Variants in ADCY5 observed in about 807,000 individuals in gnomAD.
ADCY5 encodes adenylate cyclase type 5.
A neutral mutation model predicts 119.7 loss-of-function variants in ADCY5; 30 were observed. The ratio of observed to expected loss-of-function variants is 0.25; its 90% CI spans 0.19 to 0.34. ADCY5 has a LOEUF of 0.34. Among genes scored for constraint, ADCY5 ranks in the 10% least tolerant of loss-of-function variants. The pLI is 1.00. For synonymous variants in ADCY5, 753 were observed against 762.2 expected, an observed-to-expected ratio of 0.99 and a Z score of 0.20; for missense variants, 1,324 against 1,775.2, an observed-to-expected ratio of 0.75 and a Z score of 4.57.
intron 1 of ADCY5, chr3:123,416,303 G>A (rs1309701638): frequency 1.3e-6 from 2 of 1,536,018 alleles, no homozygotes; most frequent in Non-Finnish European, 1.7e-6. Flanking sequence ...TCCCCAAAAA[G>A]GGGCTAAAGG....
In ADCY5 at chr3:123,288,981, A is replaced by C. The variant is rs575803788; in HGVS notation, c.3532+769T>G. Among the ~76,000 whole-genome samples the C allele has an allele frequency of 1.1e-4, 16 of 152,318 alleles. No individual in the cohort carries two copies. The South Asian group carries it at 3.3e-3, about 32-fold the overall frequency. The stretch of plus-strand genomic sequence containing the variant: ...ATTTCTTTCCCCAGTTTGGATGAGC[A>C]GCCACTGGAAGATTTTGCTCACCAC... On this transcript the variant is annotated intron_variant, in intron 19 of 20. Transcript: ENST00000462833.
chr3:123,314,442 G>GGCCT (rs1940783869), intron 11 of ADCY5, 120 bp from the exon 12 acceptor site: 1 of 721,362 alleles, frequency 1.4e-6, no homozygotes, highest in Non-Finnish European at 2.3e-6. Flanking sequence ...AGCTTCAGAG[G>GGCCT]GCCTGGGCTC....
intron 12 of ADCY5, 45 bp from the exon 13 acceptor site, chr3:123,304,228 A>G: frequency 8.1e-7 from 1 of 1,234,588 alleles, no homozygotes; most frequent in Non-Finnish European, 1.2e-6. Context: ...GAGAGACGGA[A>G]TAGCATTCAG....
intron 1 of ADCY5, among the ~76,000 whole-genome samples, chr3:123,378,172 C>T (rs960236508): frequency 5.3e-5 from 8 of 152,146 alleles, no homozygotes; most frequent in African/African-American, 1.7e-4. Flanking sequence ...TCAGCACCCA[C>T]GTGGTCACTC....
chr3:123,294,014 G>A (rs1939338052), intron 17 of ADCY5, among the ~76,000 whole-genome samples: 1 of 152,206 alleles, frequency 6.6e-6, no homozygotes, highest in South Asian at 2.1e-4. Flanking sequence ...ATGGAGACCT[G>A]TCAAATAACA....
In ADCY5 at chr3:123,345,456, A is replaced by C. The variant is rs553775335; in HGVS notation, c.1406+2326T>G. Among the ~76,000 whole-genome samples the C allele has an allele frequency of 1.2e-4, 18 of 152,322 alleles. No homozygotes were observed. The East Asian group carries it at 2.7e-3, about 23-fold the overall frequency. ...GGAGCTGAGAGCAATCAAGGAAAGC[A>C]CCTTTGTCCATGCGGTGCCAGGGAC... On this transcript the variant is annotated intron_variant, in intron 3 of 20. Transcript: ENST00000462833.
At chr3:123,287,806 G>A (rs1468933634) in intron 19 of ADCY5, among the ~76,000 whole-genome samples, 2 of 152,190 alleles carry the variant, frequency 1.3e-5, no homozygotes, top group African/African-American at 2.4e-5. Flanking sequence ...GGGAAGACAA[G>A]CCTGAGTCTG....
chr3:123,328,035 A>G (rs1208234106), intron 6 of ADCY5, among the ~76,000 whole-genome samples: 3 of 152,148 alleles, frequency 2.0e-5, no homozygotes, highest in Non-Finnish European at 4.4e-5. Context: ...CAGTCTTGCA[A>G]ACTTTGCAAG....
chr3:123,360,569 T>C (rs1277698939), intron 1 of ADCY5, among the ~76,000 whole-genome samples: 1 of 152,170 alleles, frequency 6.6e-6, no homozygotes, highest in African/African-American at 2.4e-5. Flanking sequence ...TAATGCCCTC[T>C]AAGTCTTATC....
chr3:123,327,618 C>G lies in ADCY5; in HGVS notation c.1947G>C (p.Arg649=). Residue 649 remains arginine (R), a splice_region_variant and synonymous_variant, in exon 7 of 21, where the codon CGG becomes CGC. Coordinates refer to ENST00000462833, the MANE Select transcript of ADCY5 (RefSeq NM_183357.3). The part of the protein sequence containing the change: ...TFLILRCTQK[R]KEEKAMIAKM... ...GCCCCCCGGCCCCCAGCCCACAGAC[C>G]CGCTTCTGGGTGCAGCGCAGGATGA... The G allele has an allele frequency of 6.2e-7, 1 of 1,613,236 alleles. No individual in the cohort carries two copies. Among genetic ancestry groups the G allele is most frequent in the Non-Finnish European group, 8.5e-7 (1 of 1,179,582 alleles).
chr3:123,284,450 A>T lies in ADCY5; in HGVS notation c.*158T>A. ...GGGCCTGGGACAGAGGCCGCTGCCCACCAGCAAAGGCAGAAGCTGCTCTGG... is the reference window on the plus strand; with the variant it reads ...GGGCCTGGGACAGAGGCCGCTGCCCTCCAGCAAAGGCAGAAGCTGCTCTGG... On this transcript the variant is annotated 3_prime_UTR_variant, in exon 21 of 21. Coordinates refer to ENST00000462833, the MANE Select transcript of ADCY5 (RefSeq NM_183357.3). The T allele has an allele frequency of 8.2e-7, 1 of 1,223,456 alleles. No individual in the cohort carries two copies. Among genetic ancestry groups the T allele is most frequent in the Non-Finnish European group, 1.1e-6 (1 of 896,308 alleles). 75.8% of individuals were successfully genotyped at this position (1,223,456 alleles called of 1,614,324 possible).
At chr3:123,426,473 G>A (rs747948171) in intron 1 of ADCY5, among the ~76,000 whole-genome samples, 2 of 151,772 alleles carry the variant, frequency 1.3e-5, no homozygotes, top group South Asian at 2.1e-4. Flanking sequence ...ACAGGCGTGC[G>A]CCACCAAGCC....
intron 4 of ADCY5, among the ~76,000 whole-genome samples, chr3:123,331,693 G>A (rs116163874): frequency 7.7e-4 from 117 of 152,224 alleles, no homozygotes; most frequent in Middle Eastern, 3.4e-3. Context: ...AATTATGAGC[G>A]GTCCAACTCT....
At position 123,352,552 on chromosome 3, in the gene ADCY5, G is replaced by A; in HGVS notation, c.1164C>T (p.Cys388=). ...QLVSNVLIFS[C]TNIVGVCTHY... is the part of the protein sequence containing the mutation. ...GGGTGCAGACACCCACGATGTTGGT[G>A]CAGGAGAAAATGAGAACATTGGAGA... Residue 388 remains cysteine (C), a synonymous_variant, in exon 2 of 21, where the codon TGC becomes TGT. Transcript: ENST00000462833. The surrounding 1 kb of genome is among the most constrained non-coding windows in gnomAD (Gnocchi z 4.8). 1.2e-6 allele frequency: 2 copies of A among 1,613,234 alleles called. No individual in the cohort carries two copies. Among genetic ancestry groups the A allele is most frequent in the South Asian group, 1.1e-5 (1 of 90,990 alleles).
intron 1 of ADCY5, among the ~76,000 whole-genome samples, chr3:123,446,104 T>A (rs1057194738): frequency 5.9e-5 from 9 of 152,140 alleles, no homozygotes; most frequent in African/African-American, 2.2e-4. Flanking sequence ...CCAGAGAGCT[T>A]GTGTGTCCCC....
intron 1 of ADCY5, among the ~76,000 whole-genome samples, chr3:123,408,437 C>T (rs1325192051): frequency 6.9e-6 from 1 of 145,434 alleles, no homozygotes; most frequent in Non-Finnish European, 1.5e-5. Flanking sequence ...GTGGGCGGAT[C>T]ACGAGGTCAG....
In ADCY5 at chr3:123,284,424, G is replaced by A. The variant is rs545980092; in HGVS notation, c.*184C>T. 55 of 904,268 alleles carry A rather than the reference G, an allele frequency of 6.1e-5. 2 individuals carry two copies. The South Asian group carries it at 7.1e-4, about 12-fold the overall frequency. 56.0% of individuals were successfully genotyped at this position (904,268 alleles called of 1,614,324 possible). A position where few individuals can be genotyped will look rare whatever the true frequency, so the allele number is the denominator to read the frequency against. Reference sequence around the variant, plus strand: ...GGTGCTCGCAGGACGCTGGCACCCCGGGGCCTGGGACAGAGGCCGCTGCCC... The same window carrying A: ...GGTGCTCGCAGGACGCTGGCACCCCAGGGCCTGGGACAGAGGCCGCTGCCC... On this transcript the variant is annotated 3_prime_UTR_variant, in exon 21 of 21. Transcript: ENST00000462833.
intron 1 of ADCY5, among the ~76,000 whole-genome samples, chr3:123,431,720 T>C (rs1945526632): frequency 6.6e-6 from 1 of 152,240 alleles, no homozygotes; most frequent in Non-Finnish European, 1.5e-5. Flanking sequence ...CAGCCTTGCC[T>C]GACAAGGTTT....
chr3:123,297,716 G>A (rs1410713835), intron 15 of ADCY5, among the ~76,000 whole-genome samples: 1 of 152,228 alleles, frequency 6.6e-6, no homozygotes, highest in Non-Finnish European at 1.5e-5. Flanking sequence ...GTGGAGGAGA[G>A]ATCCCACAGC....
Sources: gnomAD v4.1 joint callset for allele counts (sites outside exome capture counted in the v4.1 genomes callset) on GRCh38, gnomAD v4.1.1 for gene constraint, Gnocchi (gnomAD v3.1) non-coding constraint, MANE v1.5 for transcripts, NCBI Gene and HGNC (gene_info 2026-07-23, HGNC 2026-07-21) for gene names.